The following GRM5 variants were observed in gnomAD, a reference collection of about 807,000 sequenced individuals.
GRM5 encodes the protein glutamate metabotropic receptor 5.
Under a neutral mutation model 83.1 loss-of-function variants are expected in GRM5, and 19 were observed. That is an observed-to-expected ratio of 0.23 (90% CI 0.16 to 0.34). The LOEUF is 0.34. GRM5 is among the 10% of genes least tolerant of loss of function. The pLI is 1.00. For missense variants in GRM5, 1,160 were observed against 1,588.3 expected, an observed-to-expected ratio of 0.73 and a Z score of 4.58; for synonymous variants, 675 against 633.6, an observed-to-expected ratio of 1.07 and a Z score of -0.98.
intron 3 of GRM5, among the ~76,000 whole-genome samples, chr11:88,832,281 A>T (rs1365092677): frequency 6.6e-6 from 1 of 152,246 alleles, no homozygotes; most frequent in Non-Finnish European, 1.5e-5. Flanking sequence ...AAGTTGCAGG[A>T]TGCAAAATTA....
In GRM5 at chr11:88,831,703, A is replaced by T. The variant is rs566481002; in HGVS notation, c.911+18203T>A. ...ACCACCACAGCTGGCATCTATCCAC[A>T]CACACCAACTGTGGGCCAGCGATTG... On this transcript the variant is annotated intron_variant, in intron 3 of 9. Transcript: ENST00000305447. 1.6e-4 allele frequency among the ~76,000 whole-genome samples: 24 copies of T among 152,196 alleles called. No homozygotes were observed. In the East Asian group the frequency reaches 4.1e-3, roughly 26 times the overall value.
At chr11:88,978,767 G>A (rs533936388) in intron 2 of GRM5, among the ~76,000 whole-genome samples, 52 of 151,902 alleles carry the variant, frequency 3.4e-4, no homozygotes, top group Admixed American at 9.8e-4. Context: ...TTTCTGTTAC[G>A]TCATAGAATC....
intron 2 of GRM5, among the ~76,000 whole-genome samples, chr11:88,934,550 G>A (rs866658705): frequency 5.9e-5 from 9 of 151,816 alleles, no homozygotes; most frequent in African/African-American, 2.2e-4. Flanking sequence ...TGGTGAGGTA[G>A]AAGCACGATG....
intron 8 of GRM5, among the ~76,000 whole-genome samples, chr11:88,546,703 CGT>C (rs1942392483): frequency 6.6e-6 from 1 of 151,882 alleles, no homozygotes; most frequent in Non-Finnish European, 1.5e-5. Flanking sequence ...AAGCTTGATG[CGT>C]GGGGATAAAT....
At chr11:88,956,818 A>C (rs1325271795) in intron 2 of GRM5, among the ~76,000 whole-genome samples, 1 of 152,190 alleles carries the variant, frequency 6.6e-6, no homozygotes, top group East Asian at 1.9e-4. Flanking sequence ...GAAAAAAAGA[A>C]AAAGAAAAGC....
chr11:88,864,083 C>T (rs949738364), intron 2 of GRM5, among the ~76,000 whole-genome samples: 24 of 146,388 alleles, frequency 1.6e-4, no homozygotes, highest in African/African-American at 6.1e-4. Context: ...TAAATGTGAC[C>T]CTGCAGAAGG....
chr11:89,028,248 C>A (rs549182658), intron 2 of GRM5, among the ~76,000 whole-genome samples: 5 of 152,220 alleles, frequency 3.3e-5, no homozygotes, highest in Admixed American at 2.6e-4. Context: ...ATCCACGCAG[C>A]ACTTATCCCA....
chr11:88,745,360 C>T (rs932057889), intron 3 of GRM5, among the ~76,000 whole-genome samples: 1 of 132,700 alleles, frequency 7.5e-6, no homozygotes, highest in African/African-American at 2.6e-5. Context: ...GCACGTGCCA[C>T]CCCACCTAGC....
chr11:88,711,740 A>C (rs1274990814), intron 3 of GRM5, among the ~76,000 whole-genome samples: 1 of 152,116 alleles, frequency 6.6e-6, no homozygotes, highest in Non-Finnish European at 1.5e-5. Flanking sequence ...TAGGCACTAC[A>C]AAAATGCTTC....
At chr11:88,838,386 T>C (rs1298683200) in intron 3 of GRM5, among the ~76,000 whole-genome samples, 1 of 152,134 alleles carries the variant, frequency 6.6e-6, no homozygotes, top group Non-Finnish European at 1.5e-5. Flanking sequence ...CTCCATCTCT[T>C]CTTTTTATGG....
At chr11:88,967,244 T>TAC (rs1196753811) in intron 2 of GRM5, among the ~76,000 whole-genome samples, 1 of 118,972 alleles carries the variant, frequency 8.4e-6, no homozygotes, top group African/African-American at 3.4e-5. Flanking sequence ...TATATATATA[T>TAC]ACACATATAT....
chr11:88,751,072 CAAAAAAAAAAAAA>C (rs774458890), intron 3 of GRM5, among the ~76,000 whole-genome samples: 7 of 47,366 alleles, frequency 1.5e-4, no homozygotes, highest in Non-Finnish European at 2.5e-4. Flanking sequence ...TAGCAGAAGC[CAAAAAAAAAAAAA>C]AAAAAAAAAA....
chr11:88,736,952 T>C (rs1395510127), intron 3 of GRM5, among the ~76,000 whole-genome samples: 1 of 152,034 alleles, frequency 6.6e-6, no homozygotes, highest in Non-Finnish European at 1.5e-5. Context: ...TCCAAGTCTG[T>C]CCCTTCATCT....
chr11:88,767,373 G>T (rs146966902), intron 3 of GRM5, among the ~76,000 whole-genome samples: 1 of 151,882 alleles, frequency 6.6e-6, no homozygotes, highest in Non-Finnish European at 1.5e-5. Flanking sequence ...ACACATGTAT[G>T]TGTATATTCA....
At chr11:88,903,972 G>A (rs1298943300) in intron 2 of GRM5, among the ~76,000 whole-genome samples, 3 of 152,142 alleles carry the variant, frequency 2.0e-5, no homozygotes, top group Non-Finnish European at 2.9e-5. Context: ...GAGATGGAAG[G>A]AATTTCAGGG....
chr11:88,552,077 T>C (rs1591342163), intron 8 of GRM5, among the ~76,000 whole-genome samples: 1 of 150,638 alleles, frequency 6.6e-6, no homozygotes, highest in South Asian at 2.1e-4. Flanking sequence ...CAGGCTGGAG[T>C]GCAGTGGCAT....
chr11:88,830,482 T>G (rs1380584686), intron 3 of GRM5, among the ~76,000 whole-genome samples: 1 of 152,090 alleles, frequency 6.6e-6, no homozygotes, highest in African/African-American at 2.4e-5. Flanking sequence ...AATGCTGAAA[T>G]TCAACAGAGA....
intron 2 of GRM5, among the ~76,000 whole-genome samples, chr11:88,940,802 G>A (rs574940936): frequency 1.3e-5 from 2 of 151,920 alleles, no homozygotes; most frequent in African/African-American, 2.4e-5. Context: ...GTGACTAAAC[G>A]TACATATTTT....
chr11:88,605,564 AC>A (rs1465371762), intron 4 of GRM5, among the ~76,000 whole-genome samples: 3 of 152,236 alleles, frequency 2.0e-5, no homozygotes, highest in African/African-American at 7.2e-5. Context: ...GTCAGAATAT[AC>A]ACAAAGCTGT....
Sources: allele counts gnomAD v4.1 joint callset (sites outside exome capture counted in the v4.1 genomes callset), GRCh38; gene constraint gnomAD v4.1.1; transcripts MANE v1.5; gene names NCBI Gene and HGNC (gene_info 2026-07-23, HGNC 2026-07-21).